RTN3: variants seen among roughly 807,000 people sequenced by gnomAD.
RTN3 encodes reticulon-3.
Under a neutral mutation model 77.8 loss-of-function variants are expected in RTN3, and 49 were observed. The ratio of observed to expected loss-of-function variants is 0.63; its 90% CI spans 0.50 to 0.80. RTN3 has a LOEUF of 0.80. Ranked by LOEUF, RTN3 falls within the 30% of genes least tolerant of loss-of-function variation. The pLI, the probability that RTN3 is intolerant of heterozygous loss-of-function variation, is 0.00. For missense variants in RTN3, 1,236 were observed against 1,211.9 expected (o/e 1.02, Z -0.29); for synonymous variants, 464 against 446.9 (o/e 1.04, Z -0.48).
At chr11:63,683,332 T>G (rs533142405) in intron 1 of RTN3, among the ~76,000 whole-genome samples, 1 of 152,356 alleles carries the variant, frequency 6.6e-6, no homozygotes, top group South Asian at 2.1e-4. Flanking sequence ...CTTGATCTTT[T>G]TGCTTTAATC....
rs753369954 is a variant in RTN3, at chr11:63,700,282, C to CTTTTTTTTTTTTTT, written c.143-4558_143-4557insTTTTTTTTTTTTTT. On this transcript the variant is annotated intron_variant, in intron 1 of 8. Transcript: ENST00000377819. ...GAGATAGGAAAACATGATTCTTTTACTTTTTTTTTTTAAGGTAAGGTCTCA... is the reference window on the plus strand; with the variant it reads ...GAGATAGGAAAACATGATTCTTTTACTTTTTTTTTTTTTTTTTTTTTTTTTAAGGTAAGGTCTCA... 2.2e-5 allele frequency among the ~76,000 whole-genome samples: 3 copies of CTTTTTTTTTTTTTT among 133,424 alleles called. 1 individual carries two copies. Among genetic ancestry groups the CTTTTTTTTTTTTTT allele is most frequent in the Non-Finnish European group, 1.5e-5 (1 of 65,212 alleles). 87.5% of individuals were successfully genotyped at this position (133,424 alleles called of 152,430 possible). A position where few individuals can be genotyped will look rare whatever the true frequency, so the allele number is the denominator to read the frequency against.
intron 3 of RTN3, among the ~76,000 whole-genome samples, chr11:63,726,287 A>G (rs2012256411): frequency 6.6e-6 from 1 of 152,218 alleles, no homozygotes; most frequent in Non-Finnish European, 1.5e-5. Context: ...ACAGCATGAA[A>G]TTAGTTTTTT....
At position 63,720,164 on chromosome 11, in the gene RTN3, C is replaced by T. The variant is rs1197937995; in HGVS notation, c.1662C>T (p.Asn554=). The change falls in exon 3 of 9, where the codon AAC becomes AAT. Residue 554 remains asparagine (N), a synonymous_variant. Coordinates refer to ENST00000377819, the MANE Select transcript of RTN3 (RefSeq NM_001265589.2). ...AGAGAGAAGAAAAAACATCTAAAAA[C>T]TTTGAAGAATTGGTCAGTGACTCTG... The part of the protein sequence containing the change: ...SCEREEKTSK[N]FEELVSDSEL... 1.2e-6 allele frequency: 2 copies of T among 1,613,966 alleles called. No individual in the cohort carries two copies.
Position 63,700,282 on chromosome 11 carries a change from C to CTTTTTTTT in RTN3, c.143-4565_143-4558dup, listed in dbSNP as rs753369954. 4.9e-4 allele frequency among the ~76,000 whole-genome samples: 66 copies of CTTTTTTTT among 133,400 alleles called. 12 individuals carry two copies. Among genetic ancestry groups the CTTTTTTTT allele is most frequent in the Admixed American group, 7.9e-4 (10 of 12,592 alleles). 87.5% of individuals were successfully genotyped at this position (133,400 alleles called of 152,430 possible). On this transcript the variant is annotated intron_variant, in intron 1 of 8. Transcript: ENST00000377819. Reference sequence around the variant, plus strand: ...GAGATAGGAAAACATGATTCTTTTACTTTTTTTTTTTAAGGTAAGGTCTCA... The same window carrying CTTTTTTTT: ...GAGATAGGAAAACATGATTCTTTTACTTTTTTTTTTTTTTTTTTTAAGGTAAGGTCTCA...
chr11:63,712,307 T>A (rs1445744117), intron 2 of RTN3, among the ~76,000 whole-genome samples: 2 of 152,082 alleles, frequency 1.3e-5, no homozygotes, highest in South Asian at 2.1e-4. Flanking sequence ...ATGTGGTGTT[T>A]GGGGACATTT....
intron 3 of RTN3, among the ~76,000 whole-genome samples, chr11:63,737,120 C>T (rs985968518): frequency 2.0e-5 from 3 of 152,144 alleles, no homozygotes; most frequent in East Asian, 1.9e-4. Flanking sequence ...GGGTATACGC[C>T]GCCATGCCCA....
chr11:63,727,977 G>A (rs1386679019), intron 3 of RTN3, among the ~76,000 whole-genome samples: 1 of 152,080 alleles, frequency 6.6e-6, no homozygotes, highest in Admixed American at 6.6e-5. Flanking sequence ...GTATGTGTCG[G>A]GGTCCCCAAG....
chr11:63,732,168 A>AT (rs1477476648), intron 3 of RTN3, among the ~76,000 whole-genome samples: 1 of 152,010 alleles, frequency 6.6e-6, no homozygotes, highest in East Asian at 1.9e-4. Flanking sequence ...ATTATTTTTT[A>AT]TTTTTTTGGA....
intron 3 of RTN3, among the ~76,000 whole-genome samples, chr11:63,732,945 CATA>C (rs2012798944): frequency 6.6e-6 from 1 of 152,110 alleles, no homozygotes; most frequent in Admixed American, 6.6e-5. Context: ...ATACCAGCAA[CATA>C]ATAAGATAAT....
At position 63,733,951 on chromosome 11, in the gene RTN3, CAT is replaced by C. The variant is rs556633746; in HGVS notation, c.2530+12929_2530+12930del. 3.3e-5 allele frequency among the ~76,000 whole-genome samples: 5 copies of C among 151,866 alleles called. No individual in the cohort carries two copies. The East Asian group carries it at 7.7e-4, about 23-fold the overall frequency. On this transcript the variant is annotated intron_variant, in intron 3 of 8. Transcript: ENST00000377819. ...ATATATGTATATACACACAGACACA[CAT>C]ATATATATACACACACACATTCAGT...
At chr11:63,689,484 C>T (rs1941543508) in intron 1 of RTN3, among the ~76,000 whole-genome samples, 1 of 152,132 alleles carries the variant, frequency 6.6e-6, no homozygotes, top group South Asian at 2.1e-4. Context: ...TTTTGTAAGA[C>T]ATGTTACTCT....
chr11:63,755,968 A>T (rs2014361495), intron 7 of RTN3, 144 bp from the exon 8 acceptor site: 1 of 619,726 alleles, frequency 1.6e-6, no homozygotes, highest in South Asian at 2.1e-5. Flanking sequence ...AAAAAAAAAA[A>T]AACTTTTAAA....
Position 63,758,615 on chromosome 11 carries a change from G to A in RTN3, c.*414G>A, listed in dbSNP as rs554945289. On this transcript the variant is annotated 3_prime_UTR_variant, in exon 9 of 9. Transcript: ENST00000377819. ...CCTTAAGAAGTCATGATTAACTTATGAAAAAATTATTTGGGGACAGGAGTG... is the reference window on the plus strand; with the variant it reads ...CCTTAAGAAGTCATGATTAACTTATAAAAAAATTATTTGGGGACAGGAGTG... 27 of 392,530 alleles carry A rather than the reference G, an allele frequency of 6.9e-5. No individual in the cohort carries two copies. In the East Asian group the frequency reaches 9.3e-4, roughly 14 times the overall value. 24.3% of individuals were successfully genotyped at this position (392,530 alleles called of 1,614,324 possible). A position where few individuals can be genotyped will look rare whatever the true frequency, so the allele number is the denominator to read the frequency against.
In RTN3 at chr11:63,759,063, A is replaced by T. The variant is rs1383904467; in HGVS notation, c.*862A>T. ...TCTTACTATAAAATAAATGTCTGTA[A>T]CTGCTGTGCACTGCTGTAAACTTGT... On this transcript the variant is annotated 3_prime_UTR_variant, in exon 9 of 9. Transcript: ENST00000377819. 1 of 152,172 alleles carries T rather than the reference A, an allele frequency of 6.6e-6. No homozygotes were observed. The highest frequency in any genetic ancestry group is 1.9e-4 in the East Asian group (1 of 5,194). 9.4% of individuals were successfully genotyped at this position (152,172 alleles called of 1,614,324 possible).
chr11:63,697,289 C>A (rs896216018), intron 1 of RTN3, among the ~76,000 whole-genome samples: 1 of 151,432 alleles, frequency 6.6e-6, no homozygotes, highest in South Asian at 2.1e-4. Context: ...TTCAGCAGGT[C>A]CACTTATGCT....
In RTN3 at chr11:63,750,131, A is replaced by G. The variant is rs1565343992; in HGVS notation, c.2671A>G (p.Ile891Val). Residue 891 changes from isoleucine (I) to valine (V), a missense_variant, in exon 4 of 9, where the codon ATC becomes GTC. Transcript: ENST00000377819. ...YLILALLSVT[I>V]SFRIYKSVIQ... The stretch of plus-strand genomic sequence containing the variant: ...CATCCTGGCTCTTCTCTCTGTCACC[A>G]TCAGCTTCAGGATCTACAAGTCCGT... 4 of 1,612,962 alleles carry G rather than the reference A, an allele frequency of 2.5e-6. No individual in the cohort carries two copies. The highest frequency in any genetic ancestry group is 3.4e-6 in the Non-Finnish European group (4 of 1,179,448).
At chr11:63,752,749 C>A in intron 5 of RTN3, 104 bp downstream of exon 5, 1 of 1,223,926 alleles carries the variant, frequency 8.2e-7, no homozygotes, top group Non-Finnish European at 1.2e-6. Flanking sequence ...CAAAAATGAA[C>A]GTATGCTTAG....
At position 63,758,418 on chromosome 11, in the gene RTN3, G is replaced by T. The variant is rs2014500262; in HGVS notation, c.*217G>T. ...AAAAGAACTATCTTAGAACTCAGAAGAAGAAAGAATCAAATTCATAGGATA... is the reference window on the plus strand; with the variant it reads ...AAAAGAACTATCTTAGAACTCAGAATAAGAAAGAATCAAATTCATAGGATA... On this transcript the variant is annotated 3_prime_UTR_variant, in exon 9 of 9. Transcript: ENST00000377819. The T allele has an allele frequency of 1.5e-6, 2 of 1,347,750 alleles. No individual in the cohort carries two copies. Among genetic ancestry groups the T allele is most frequent in the Admixed American group, 2.4e-5 (1 of 42,372 alleles). The allele number at this position is 1,347,750 out of a possible 1,614,324, so 83.5% of individuals were successfully genotyped here. A position where few individuals can be genotyped will look rare whatever the true frequency, so the allele number is the denominator to read the frequency against.
intron 1 of RTN3, among the ~76,000 whole-genome samples, chr11:63,691,005 C>G (rs1412155765): frequency 6.6e-6 from 1 of 151,882 alleles, no homozygotes; most frequent in African/African-American, 2.4e-5. Context: ...AACCCCATAT[C>G]TGTTAGCAGT....
Sources: allele counts gnomAD v4.1 joint callset (sites outside exome capture counted in the v4.1 genomes callset), GRCh38; gene constraint gnomAD v4.1.1; transcripts MANE v1.5; gene names NCBI Gene and HGNC (gene_info 2026-07-23, HGNC 2026-07-21).